The following PRAMEF11 variants were observed in gnomAD, a reference collection of about 807,000 sequenced individuals.
PRAMEF11 encodes the protein PRAME family member 11.
In PRAMEF11, 17 loss-of-function variants were observed where a neutral mutation model predicts 33.6. That is an observed-to-expected ratio of 0.51 (90% CI 0.35 to 0.76). The LOEUF is 0.76. Ranked by LOEUF, PRAMEF11 falls within the 30% of genes least tolerant of loss-of-function variation. PRAMEF11 has a pLI of 0.01. For missense variants in PRAMEF11, 568 were observed against 567.0 expected, an observed-to-expected ratio of 1.00 and a Z score of -0.02; for synonymous variants, 205 against 227.3, an observed-to-expected ratio of 0.90 and a Z score of 0.88.
chr1:12,824,866 G>A lies in PRAMEF11; in HGVS notation c.*76C>T. ...ATGGGTTCTGTGCTCCCTTTAGGAT[G>A]TACCTAAGACCTAGGTTTTAGTTTC... On this transcript the variant is annotated 3_prime_UTR_variant, in exon 4 of 4. Coordinates refer to ENST00000619922, the MANE Select transcript of PRAMEF11 (RefSeq NM_001146344.3). 6.4e-7 allele frequency: 1 copy of A among 1,571,088 alleles called. No homozygotes were observed. The highest frequency in any genetic ancestry group is 8.7e-7 in the Non-Finnish European group (1 of 1,150,472).
rs775046145 is a variant in PRAMEF11, at chr1:12,828,679, A to G, written c.111T>C (p.Leu37=). 8.1e-6 allele frequency: 13 copies of G among 1,610,286 alleles called. No homozygotes were observed. The highest frequency in any genetic ancestry group is 1.1e-5 in the Non-Finnish European group (13 of 1,178,048). ...VSTLEELPTE[L]FPPLFMEAFS... The stretch of plus-strand genomic sequence containing the variant: ...AGGCCTCCATGAACAGTGGGGGGAA[A>G]AGTTCCGTGGGCAGCTCCTCCAGGG... Residue 37 remains leucine (L), a synonymous_variant, in exon 2 of 4, where the codon CTT becomes CTC. Transcript: ENST00000619922.
At position 12,827,594 on chromosome 1, in the gene PRAMEF11, C is replaced by T. The variant is rs2486714; in HGVS notation, c.530G>A (p.Arg177Lys). 976 of 1,607,814 alleles carry T rather than the reference C, an allele frequency of 6.1e-4. 26 individuals carry two copies. In the African/African-American group the frequency reaches 0.01, roughly 17 times the overall value. Residue 177 changes from arginine to lysine, a missense_variant, in exon 3 of 4, where the codon AGA (arginine) becomes AAA (lysine). Arg to Lys is a conservative substitution (Grantham distance 26, BLOSUM62 2). Transcript: ENST00000619922. Reference protein sequence around the residue: ...TCLLLWVKQRRDLLHLCCKKL... With the variant: ...TCLLLWVKQRKDLLHLCCKKL... Reference sequence around the variant, plus strand: ...CTTACAGCACAGGTGTAGTAAATCTCTCCTCTGCTTGACCCATAGAAGGAG... The same window carrying T: ...CTTACAGCACAGGTGTAGTAAATCTTTCCTCTGCTTGACCCATAGAAGGAG...
In PRAMEF11 at chr1:12,828,709, G is replaced by C. The variant is rs78453011; in HGVS notation, c.81C>G (p.Val27=). The change falls in exon 2 of 4, where the codon GTC becomes GTG. Residue 27 remains valine (V), a synonymous_variant. Transcript: ENST00000619922. ...CCGTGGGCAGCTCCTCCAGGGTGGA[G>C]ACGGCCAAGGCTTGGTCCCTCAGCA... ...RSLLRDQALA[V]STLEELPTEL... 5.4e-4 allele frequency: 866 copies of C among 1,609,098 alleles called. 59 individuals are homozygous for C. In the South Asian group the frequency reaches 6.4e-3, roughly 12 times the overall value.
rs1639983850 is a variant in PRAMEF11 at position 12,830,550 on chromosome 1, C to G, written c.-17+806G>C. On this transcript the variant is annotated intron_variant, in intron 1 of 3. Coordinates refer to ENST00000619922, the MANE Select transcript of PRAMEF11 (RefSeq NM_001146344.3). ...TTTGTTTTTTGGACAGGGTGTCTCTCTTTTGCCCAGGCTGGAGTACAGGAG... is the reference window on the plus strand; with the variant it reads ...TTTGTTTTTTGGACAGGGTGTCTCTGTTTTGCCCAGGCTGGAGTACAGGAG... Among the ~76,000 whole-genome samples, 2 of 151,150 alleles carry G rather than the reference C, an allele frequency of 1.3e-5. 1 individual carries two copies. The highest frequency in any genetic ancestry group is 3.0e-5 in the Non-Finnish European group (2 of 67,772).
In PRAMEF11 at chr1:12,825,064, C is replaced by G. The variant is rs776985839; in HGVS notation, c.1315G>C (p.Glu439Gln). 6 of 1,609,692 alleles carry G rather than the reference C, an allele frequency of 3.7e-6. 1 individual carries two copies. In the Admixed American group the frequency reaches 8.4e-5, roughly 22 times the overall value. ...CWSRFAQIRAELMKKVRHLRH... is the reference protein window; with the variant it reads ...CWSRFAQIRAQLMKKVRHLRH... Reference sequence around the variant, plus strand: ...AAGTGCCTCACTTTCTTCATCAGCTCAGCCCTAATTTGAGCAAATCTGCTC... The same window carrying G: ...AAGTGCCTCACTTTCTTCATCAGCTGAGCCCTAATTTGAGCAAATCTGCTC... The change falls in exon 4 of 4, where the codon GAG becomes CAG. Residue 439 changes from glutamate to glutamine, a missense_variant. Physicochemically the swap from Glu to Gln is conservative, Grantham distance 29. Around this residue, in one of 3 missense-constraint regions of PRAMEF11, gnomAD observed 174 missense variants for 127.2 expected, o/e 1.37. Coordinates refer to ENST00000619922, the MANE Select transcript of PRAMEF11 (RefSeq NM_001146344.3).
intron 1 of PRAMEF11, among the ~76,000 whole-genome samples, chr1:12,829,785 A>C (rs1157666696): frequency 6.6e-6 from 1 of 150,964 alleles, no homozygotes; most frequent in Admixed American, 6.6e-5. Flanking sequence ...AGGTAGGAGG[A>C]TCACTTGAAC....
chr1:12,829,762 A>G (rs1048954023), intron 1 of PRAMEF11, among the ~76,000 whole-genome samples: 9 of 150,910 alleles, frequency 6.0e-5, no homozygotes, highest in Admixed American at 2.7e-4. Context: ...AGTCCAAGCT[A>G]ATAGGGAGGC....
At chr1:12,828,322 C>G (rs79480649) in intron 2 of PRAMEF11, among the ~76,000 whole-genome samples, 175 bp downstream of exon 2, 8,951 of 148,470 alleles carry the variant, frequency 0.06, 1,199 homozygotes, top group African/African-American at 0.21. Context: ...TTCCTGTTAC[C>G]TCTATGGACC....
chr1:12,829,895 T>C (rs1243971585), intron 1 of PRAMEF11, among the ~76,000 whole-genome samples: 80 of 151,002 alleles, frequency 5.3e-4, no homozygotes, highest in African/African-American at 1.8e-3. Context: ...CTACATTTGA[T>C]TAGAATTCTT....
rs1376849853 is a variant in PRAMEF11, at chr1:12,824,927, C to T, written c.*15G>A. The T allele has an allele frequency of 3.1e-6, 5 of 1,608,240 alleles. No individual in the cohort carries two copies. Among genetic ancestry groups the T allele is most frequent in the Non-Finnish European group, 4.2e-6 (5 of 1,177,424 alleles). ...GAAGAAAGCGTTTGACATACCCATC[C>T]AAATAGGCAGGCATTCAACAGCAGT... On this transcript the variant is annotated 3_prime_UTR_variant, in exon 4 of 4. Coordinates refer to ENST00000619922, the MANE Select transcript of PRAMEF11 (RefSeq NM_001146344.3).
chr1:12,828,994 C>T (rs569498126), intron 1 of PRAMEF11, among the ~76,000 whole-genome samples, 189 bp from the exon 2 acceptor site: 3,920 of 148,500 alleles, frequency 0.026, 79 homozygotes, highest in African/African-American at 0.048. Context: ...TGAGCGTCTC[C>T]GAAGCAGTGA....
At position 12,825,061 on chromosome 1, in the gene PRAMEF11, G is replaced by T; in HGVS notation, c.1318C>A (p.Leu440Met). ...WSRFAQIRAELMKKVRHLRHP... is the reference protein window; with the variant it reads ...WSRFAQIRAEMMKKVRHLRHP... ...CTTAAGTGCCTCACTTTCTTCATCA[G>T]CTCAGCCCTAATTTGAGCAAATCTG... is the stretch of plus-strand genomic sequence containing the variant. Residue 440 changes from leucine (L) to methionine (M), a missense_variant, in exon 4 of 4, where the codon CTG becomes ATG. This residue lies in a region of PRAMEF11 where 174 missense variants were observed against 127.2 expected (regional missense o/e 1.37). Coordinates refer to ENST00000619922, the MANE Select transcript of PRAMEF11 (RefSeq NM_001146344.3). 6.2e-7 allele frequency: 1 copy of T among 1,609,764 alleles called. No homozygotes were observed. Among genetic ancestry groups the T allele is most frequent in the Non-Finnish European group, 8.5e-7 (1 of 1,177,734 alleles).
At chr1:12,830,961 C>A (rs1639993472) in intron 1 of PRAMEF11, among the ~76,000 whole-genome samples, 1 of 148,544 alleles carries the variant, frequency 6.7e-6, no homozygotes, top group African/African-American at 2.5e-5. Context: ...CCACTGCACT[C>A]CAGTCTGGGC....
rs545902079 is a variant in PRAMEF11 at position 12,827,805 on chromosome 1, A to T, written c.319T>A (p.Leu107Ile). 3.1e-6 allele frequency: 5 copies of T among 1,607,598 alleles called. No homozygotes were observed. Among genetic ancestry groups the T allele is most frequent in the Non-Finnish European group, 4.2e-6 (5 of 1,177,884 alleles). ...PRRWKLQVLD[L>I]QDVCENFWMV... ...CAGAAGTTCTCACAGACATCCTGTA[A>T]ATCCAGCACTTGAAGTTTCCATCTC... is the stretch of plus-strand genomic sequence containing the variant. The change falls in exon 3 of 4, where the codon TTA becomes ATA. Residue 107 changes from leucine (L) to isoleucine (I), a missense_variant. Leu to Ile is a conservative substitution (Grantham distance 5). This residue lies in a region of PRAMEF11 where 342 missense variants were observed against 312.0 expected (regional missense o/e 1.10). Transcript: ENST00000619922.
At chr1:12,828,078 C>T (rs56153954) in intron 2 of PRAMEF11, among the ~76,000 whole-genome samples, 22 of 150,010 alleles carry the variant, frequency 1.5e-4, no homozygotes, top group Middle Eastern at 3.2e-3. Flanking sequence ...CTCTTCTTCC[C>T]GGGTTCAAAT....
rs547519601 is a variant in PRAMEF11, at chr1:12,825,963, T to C, written c.876-460A>G. Among the ~76,000 whole-genome samples, 657 of 138,174 alleles carry C rather than the reference T, an allele frequency of 4.8e-3. 16 individuals carry two copies. The highest frequency in any genetic ancestry group is 0.017 in the African/African-American group (637 of 36,770). 90.6% of individuals were successfully genotyped at this position (138,174 alleles called of 152,430 possible). On this transcript the variant is annotated intron_variant, in intron 3 of 3. Coordinates refer to ENST00000619922, the MANE Select transcript of PRAMEF11 (RefSeq NM_001146344.3). The stretch of plus-strand genomic sequence containing the variant: ...CACTCCAGCCTGGGTGACAGAGTGA[T>C]ACTCTATTAAAAAAAAAAAAAGGAG...
chr1:12,826,634 CG>C (rs1639873228), intron 3 of PRAMEF11, among the ~76,000 whole-genome samples: 1 of 151,018 alleles, frequency 6.6e-6, no homozygotes, highest in Non-Finnish European at 1.5e-5. Flanking sequence ...TGGTGGCCCA[CG>C]CCTGTAATCC....
rs1484960996 is a variant in PRAMEF11, at chr1:12,824,817, C to A, written c.*125G>T. 1.3e-5 allele frequency: 19 copies of A among 1,439,298 alleles called. No individual in the cohort carries two copies. Among genetic ancestry groups the A allele is most frequent in the Non-Finnish European group, 1.5e-5 (16 of 1,056,758 alleles). 89.2% of individuals were successfully genotyped at this position (1,439,298 alleles called of 1,614,324 possible). On this transcript the variant is annotated 3_prime_UTR_variant, in exon 4 of 4. Transcript: ENST00000619922. ...CTGCTTGATCAGCTTTCCTTTCCCA[C>A]TTTCAGAGCCCATGTGTGAAACGAT...
intron 3 of PRAMEF11, among the ~76,000 whole-genome samples, chr1:12,826,393 G>C (rs1430489419): frequency 6.6e-6 from 1 of 151,232 alleles, no homozygotes; most frequent in Non-Finnish European, 1.5e-5. Flanking sequence ...CTGATTTTCT[G>C]ACATGTGCAG....
Sources: allele counts gnomAD v4.1 joint callset (sites outside exome capture counted in the v4.1 genomes callset), GRCh38; gene constraint gnomAD v4.1.1; regional missense constraint gnomAD v4.1.1; transcripts MANE v1.5; gene names NCBI Gene and HGNC (gene_info 2026-07-23, HGNC 2026-07-21).